The following PSG7 variants were observed in gnomAD, a reference collection of about 807,000 sequenced individuals.
PSG7 encodes pregnancy specific beta-1-glycoprotein 7, also known as pregnancy-specific beta-1-glycoprotein 7.
Under a neutral mutation model 45.6 loss-of-function variants are expected in PSG7, and 57 were observed. That is an observed-to-expected ratio of 1.25 (90% CI 1.01 to 1.56). The LOEUF (loss-of-function observed/expected upper bound fraction) is 1.56. PSG7 is among the 40% of genes most tolerant of loss of function. The pLI is 0.00. For missense variants in PSG7, 796 were observed against 508.4 expected, an observed-to-expected ratio of 1.57 and a Z score of -5.44; for synonymous variants, 298 against 194.4, an observed-to-expected ratio of 1.53 and a Z score of -4.43.
Position 42,924,417 on chromosome 19 carries a change from C to T in PSG7, c.*391G>A, listed in dbSNP as rs1297613702. The T allele has an allele frequency of 4.3e-6, 2 of 463,526 alleles. No individual in the cohort carries two copies. The highest frequency in any genetic ancestry group is 7.4e-5 in the Admixed American group (2 of 26,966). 28.7% of individuals were successfully genotyped at this position (463,526 alleles called of 1,614,324 possible). ...TCTGAGGTTGAGATGACATATCTGA[C>T]ACTCTGTTGTTACCCTCAGAAGCTC... On this transcript the variant is annotated 3_prime_UTR_variant, in exon 6 of 6. Transcript: ENST00000406070.
chr19:42,926,932 A>G, intron 3 of PSG7: 1 of 967,814 alleles, frequency 1.0e-6, no homozygotes, highest in South Asian at 1.8e-5. Flanking sequence ...AGACTTTCTC[A>G]AGTGTCAATT....
chr19:42,924,319 T>A lies in PSG7; in HGVS notation c.*489A>T. 1 of 367,308 alleles carries A rather than the reference T, an allele frequency of 2.7e-6. No individual in the cohort carries two copies. Among genetic ancestry groups the A allele is most frequent in the South Asian group, 1.2e-4 (1 of 8,100 alleles). The allele number at this position is 367,308 out of a possible 1,614,324, so 22.8% of individuals were successfully genotyped here. On this transcript the variant is annotated 3_prime_UTR_variant, in exon 6 of 6. Coordinates refer to ENST00000406070, the MANE Select transcript of PSG7 (RefSeq NM_002783.3). ...TGCAAACACACAGGCAATATCTCTG[T>A]GTTCATTTCTATTGGGAGCCCTGTA...
At position 42,926,659 on chromosome 19, in the gene PSG7, T is replaced by G; in HGVS notation, c.767A>C (p.Asp256Ala). ...INNLNPRENK[D>A]VSTFTCEPKS... ...AGGTTCACAGGTGAAGGTTGAGACATCCTTATTCTCCCTGGGGTTTAAGTT... is the reference window on the plus strand; with the variant it reads ...AGGTTCACAGGTGAAGGTTGAGACAGCCTTATTCTCCCTGGGGTTTAAGTT... Residue 256 changes from aspartate (D) to alanine (A), a missense_variant, in exon 4 of 6, where the codon GAT becomes GCT. Transcript: ENST00000406070. 1 of 1,610,308 alleles carries G rather than the reference T, an allele frequency of 6.2e-7. No individual in the cohort carries two copies. Among genetic ancestry groups the G allele is most frequent in the Non-Finnish European group, 8.5e-7 (1 of 1,179,012 alleles).
chr19:42,924,178 G>A lies in PSG7; in HGVS notation c.*630C>T, dbSNP rs189227833. ...TTATTCTGCTAGAATCAGTCTTACT[G>A]TCACGTTTTACAATGTATCTCTTAG... On this transcript the variant is annotated 3_prime_UTR_variant, in exon 6 of 6. Transcript: ENST00000406070. The A allele has an allele frequency of 1.4e-4, 24 of 174,382 alleles. 1 individual carries two copies. The highest frequency in any genetic ancestry group is 5.7e-4 in the African/African-American group (24 of 42,082). The allele number at this position is 174,382 out of a possible 1,614,324, so 10.8% of individuals were successfully genotyped here. A position where few individuals can be genotyped will look rare whatever the true frequency, so the allele number is the denominator to read the frequency against.
chr19:42,928,760 A>G (rs138627425), intron 3 of PSG7, among the ~76,000 whole-genome samples: 4,434 of 151,348 alleles, frequency 0.029, 292 homozygotes, highest in African/African-American at 0.1. Flanking sequence ...TGGAAAACAT[A>G]TTGCCAATGC....
chr19:42,936,636 C>T (rs1973157636), intron 1 of PSG7: 1 of 212,442 alleles, frequency 4.7e-6, no homozygotes, highest in Non-Finnish European at 9.3e-6. Flanking sequence ...GCCTTCTTTC[C>T]TTTTTTTTCT....
chr19:42,926,950 A>C (rs893843312), intron 3 of PSG7: 1 of 850,350 alleles, frequency 1.2e-6, no homozygotes, highest in Admixed American at 3.0e-5. Context: ...ATTGAGCAGC[A>C]GTGCTGGGTC....
At chr19:42,930,219 C>T (rs1972989741) in intron 2 of PSG7, among the ~76,000 whole-genome samples, 1 of 151,642 alleles carries the variant, frequency 6.6e-6, no homozygotes, top group Non-Finnish European at 1.5e-5. Context: ...TGGCCTGGGA[C>T]TGGGTACTTC....
rs373648951 is a variant in PSG7, at chr19:42,925,789, C to G, written c.1227G>C (p.Val409=). The G allele has an allele frequency of 1.0e-4, 164 of 1,612,046 alleles. 4 individuals are homozygous for G. In the African/African-American group the frequency reaches 2.1e-3, roughly 20 times the overall value. Residue 409 remains valine, a synonymous_variant, in exon 5 of 6, where the codon GTG becomes GTC. Coordinates refer to ENST00000406070, the MANE Select transcript of PSG7 (RefSeq NM_002783.3). ...SATGKESSKS[V]TVRVSDWTLP is the part of the protein sequence containing the mutation. ...TCCACTTACCAGAGACTCTGACTGTCACGGATTTGGAGCTTTCCTTGCCAG... is the reference window on the plus strand; with the variant it reads ...TCCACTTACCAGAGACTCTGACTGTGACGGATTTGGAGCTTTCCTTGCCAG...
In PSG7 at chr19:42,925,795, T is replaced by C; in HGVS notation, c.1221A>G (p.Lys407=). Residue 407 remains lysine (K), a synonymous_variant, in exon 5 of 6, where the codon AAA becomes AAG. Coordinates refer to ENST00000406070, the MANE Select transcript of PSG7 (RefSeq NM_002783.3). ...RNSATGKESS[K]SVTVRVSDWT... is the part of the protein sequence containing the mutation. ...TACCAGAGACTCTGACTGTCACGGA[T>C]TTGGAGCTTTCCTTGCCAGTGGCTG... The C allele has an allele frequency of 6.2e-7, 1 of 1,611,924 alleles. No individual in the cohort carries two copies. Among genetic ancestry groups the C allele is most frequent in the Non-Finnish European group, 8.5e-7 (1 of 1,178,974 alleles).
intron 2 of PSG7, among the ~76,000 whole-genome samples, 159 bp downstream of exon 2, chr19:42,935,245 T>G (rs964705223): frequency 3.3e-5 from 5 of 151,878 alleles, no homozygotes; most frequent in Non-Finnish European, 7.4e-5. Flanking sequence ...TGTTGAAATT[T>G]GTCTCCTCTG....
rs367668544 is a variant in PSG7 at position 42,933,076 on chromosome 19, T to C, written c.430+2328A>G. On this transcript the variant is annotated intron_variant, in intron 2 of 5. Transcript: ENST00000406070. ...CAAGCACTAACAGATCATTTCCCTC[T>C]GCCCACATGATTCCATCACCAAACA... Among the ~76,000 whole-genome samples, 72 of 149,366 alleles carry C rather than the reference T, an allele frequency of 4.8e-4. 2 individuals are homozygous for C. The Middle Eastern group carries it at 0.024, about 49-fold the overall frequency.
chr19:42,936,728 A>G (rs1973159781), intron 1 of PSG7, among the ~76,000 whole-genome samples: 1 of 151,012 alleles, frequency 6.6e-6, no homozygotes, highest in African/African-American at 2.4e-5. Context: ...GCTAGCTGCA[A>G]CTTCTGCCTC....
chr19:42,932,140 C>T (rs892071252), intron 2 of PSG7, among the ~76,000 whole-genome samples: 13 of 151,294 alleles, frequency 8.6e-5, no homozygotes, highest in Admixed American at 3.3e-4. Context: ...TCTCCTGCCT[C>T]AGCCTCCCGA....
intron 3 of PSG7, 24 bp downstream of exon 3, chr19:42,929,418 A>T (rs2074857): frequency 6.2e-7 from 1 of 1,611,566 alleles, no homozygotes; most frequent in Non-Finnish European, 8.5e-7. Flanking sequence ...CAGCCTGGCT[A>T]ACAGAGGAAC....
intron 3 of PSG7, among the ~76,000 whole-genome samples, chr19:42,928,838 T>A (rs765370278): frequency 6.6e-6 from 1 of 151,256 alleles, no homozygotes; most frequent in South Asian, 2.1e-4. Flanking sequence ...AGTGGCTGAG[T>A]TATGGATGAA....
rs1972488931 is a variant in PSG7 at position 42,924,753 on chromosome 19, G to A, written c.*55C>T. 4 of 767,902 alleles carry A rather than the reference G, an allele frequency of 5.2e-6. 1 individual carries two copies. The highest frequency in any genetic ancestry group is 2.4e-5 in the East Asian group (1 of 41,188). The allele number at this position is 767,902 out of a possible 1,614,324, so 47.6% of individuals were successfully genotyped here. On this transcript the variant is annotated 3_prime_UTR_variant, in exon 6 of 6. Transcript: ENST00000406070. ...TTATAGGGCTTCTGGAACAGAGTGG[G>A]TCTTGCTCTTTGAGGTTCCATGGGA...
chr19:42,930,042 C>A (rs559895507), intron 2 of PSG7, among the ~76,000 whole-genome samples: 1 of 151,674 alleles, frequency 6.6e-6, no homozygotes, highest in Non-Finnish European at 1.5e-5. Flanking sequence ...CTGCCTGGCC[C>A]ACCTTGTGGT....
At chr19:42,925,741 C>A (rs371093066) in intron 5 of PSG7, 32 bp downstream of exon 5, 2 of 1,611,352 alleles carry the variant, frequency 1.2e-6, no homozygotes, top group African/African-American at 1.3e-5. Flanking sequence ...GCACCTAAAA[C>A]CCTATTGCCA....
Sources: gnomAD v4.1 joint callset for allele counts (sites outside exome capture counted in the v4.1 genomes callset) on GRCh38, gnomAD v4.1.1 for gene constraint, MANE v1.5 for transcripts, NCBI Gene and HGNC (gene_info 2026-07-23, HGNC 2026-07-21) for gene names.